Variants in HMGB1 observed in about 807,000 individuals in gnomAD.
HMGB1 encodes high mobility group box 1.
For missense variants in HMGB1, 79 were observed against 253.5 expected, an observed-to-expected ratio of 0.31 and a Z score of 4.67; for synonymous variants, 81 against 84.0, an observed-to-expected ratio of 0.96 and a Z score of 0.19.
chr13:30,524,337 T>TA lies in HMGB1; in HGVS notation c.-14-60644dup, dbSNP rs756389867. On this transcript the variant is annotated intron_variant, in intron 1 of 4. Coordinates refer to the HMGB1 transcript ENST00000405805. ...ATGTATCCCAGAGCTTAAAGTATAT[T>TA]AAAAAAAAAAAAAAAAAAAAGAAAA... Among the ~76,000 whole-genome samples, 109 of 47,414 alleles carry TA rather than the reference T, an allele frequency of 2.3e-3. 2 individuals are homozygous for TA. Among genetic ancestry groups the TA allele is most frequent in the African/African-American group, 5.6e-3 (101 of 18,112 alleles). The allele number at this position is 47,414 out of a possible 152,430, so 31.1% of individuals were successfully genotyped here. A position where few individuals can be genotyped will look rare whatever the true frequency, so the allele number is the denominator to read the frequency against.
chr13:30,465,075 C>T, intron 1 of HMGB1: 1 of 866,110 alleles, frequency 1.2e-6, no homozygotes, highest in Non-Finnish European at 1.4e-6. Flanking sequence ...AAAGTTGCCT[C>T]GGAACTGCTG....
At chr13:30,590,248 T>A (rs2137551917) in intron 1 of HMGB1, among the ~76,000 whole-genome samples, 1 of 152,256 alleles carries the variant, frequency 6.6e-6, no homozygotes, top group Admixed American at 6.5e-5. Context: ...ACCGAGAGGC[T>A]GAATTTTAAA....
intron 1 of HMGB1, among the ~76,000 whole-genome samples, chr13:30,476,149 G>T (rs1244830114): frequency 1.5e-5 from 2 of 130,916 alleles, no homozygotes; most frequent in Non-Finnish European, 3.2e-5. Context: ...TGAGACACAG[G>T]TAGCATGTAC....
At chr13:30,591,332 G>A (rs973851545) in intron 1 of HMGB1, among the ~76,000 whole-genome samples, 2 of 151,860 alleles carry the variant, frequency 1.3e-5, no homozygotes, top group Non-Finnish European at 2.9e-5. Flanking sequence ...GCGCCTGGCC[G>A]AGGCACAGTG....
chr13:30,476,283 G>A (rs868623833), intron 1 of HMGB1, among the ~76,000 whole-genome samples: 6 of 151,840 alleles, frequency 4.0e-5, no homozygotes, highest in South Asian at 2.1e-4. Context: ...GATTACAGGC[G>A]CAAGCCACCA....
chr13:30,489,847 G>C (rs1324427952), intron 1 of HMGB1, among the ~76,000 whole-genome samples: 1 of 149,502 alleles, frequency 6.7e-6, no homozygotes, highest in Non-Finnish European at 1.5e-5. Context: ...CAATTCTCCT[G>C]CCTCAGCCTC....
rs757549479 is a variant in HMGB1 at position 30,559,648 on chromosome 13, C to T, written c.-15+57023G>A. On this transcript the variant is annotated intron_variant, in intron 1 of 4. Transcript: ENST00000405805. The surrounding 1 kb of genome is among the most constrained non-coding windows in gnomAD (Gnocchi z 6.6). The stretch of plus-strand genomic sequence containing the variant: ...TGGAATTCAGCTGCAAATAGATGGA[C>T]ACCTGGAATTCTGGGAAGTTCTAGC... Among the ~76,000 whole-genome samples, 32 of 152,272 alleles carry T rather than the reference C, an allele frequency of 2.1e-4. No individual in the cohort carries two copies. The highest frequency in any genetic ancestry group is 3.4e-3 in the Middle Eastern group (1 of 294).
At chr13:30,609,167 G>T (rs1002949766) in intron 1 of HMGB1, among the ~76,000 whole-genome samples, 1 of 152,210 alleles carries the variant, frequency 6.6e-6, no homozygotes, top group African/African-American at 2.4e-5. Flanking sequence ...GGACGCTGAG[G>T]CAGGAGAATG....
At chr13:30,597,626 T>C (rs1362387633) in intron 1 of HMGB1, among the ~76,000 whole-genome samples, 1 of 152,218 alleles carries the variant, frequency 6.6e-6, no homozygotes, top group Non-Finnish European at 1.5e-5. Context: ...AGCCTGTCAG[T>C]TGAAGATACA....
rs1465991705 is a variant in HMGB1, at chr13:30,459,216, G to C, written c.*2141C>G. On this transcript the variant is annotated 3_prime_UTR_variant, in exon 5 of 5. Coordinates refer to ENST00000341423, the MANE Select transcript of HMGB1 (RefSeq NM_002128.7). ...CCCACTTCCATTTACTTGAGTTTTA[G>C]ACATCCAACTTCTAGGGGATACTGT... The C allele has an allele frequency of 1.3e-5, 2 of 152,058 alleles. No homozygotes were observed. The highest frequency in any genetic ancestry group is 2.9e-5 in the Non-Finnish European group (2 of 68,020). 9.4% of individuals were successfully genotyped at this position (152,058 alleles called of 1,614,324 possible).
rs937377629 is a variant in HMGB1 at position 30,460,135 on chromosome 13, A to T, written c.*1222T>A. 3.3e-5 allele frequency: 5 copies of T among 152,462 alleles called. No individual in the cohort carries two copies. Among genetic ancestry groups the T allele is most frequent in the African/African-American group, 1.2e-4 (5 of 41,316 alleles). 9.4% of individuals were successfully genotyped at this position (152,462 alleles called of 1,614,324 possible). ...TGAATGAGTTTGTTTTGTAAAGAAA[A>T]ATCATTCAAATAAATTGAATAATTC... On this transcript the variant is annotated 3_prime_UTR_variant, in exon 5 of 5. Coordinates refer to ENST00000341423, the MANE Select transcript of HMGB1 (RefSeq NM_002128.7).
intron 1 of HMGB1, among the ~76,000 whole-genome samples, chr13:30,488,662 T>C (rs991313223): frequency 1.4e-5 from 2 of 137,934 alleles, no homozygotes; most frequent in African/African-American, 2.7e-5. Context: ...TTATTATTAT[T>C]ATTATTATTA....
chr13:30,464,193 T>G (rs1217924848), intron 1 of HMGB1: 1 of 984,924 alleles, frequency 1.0e-6, no homozygotes, highest in Non-Finnish European at 1.2e-6. Flanking sequence ...ACACCCTCTT[T>G]GCATAAAACT....
chr13:30,586,479 G>GTTTTTTTT (rs11315470), intron 1 of HMGB1, among the ~76,000 whole-genome samples: 38 of 105,088 alleles, frequency 3.6e-4, no homozygotes, highest in Admixed American at 5.9e-4. Flanking sequence ...GGTTTTTTTT[G>GTTTTTTTT]TTTTTTTTTT....
chr13:30,478,866 CTTTTCTTTTT>C (rs1566000407), intron 1 of HMGB1, among the ~76,000 whole-genome samples: 1 of 133,854 alleles, frequency 7.5e-6, no homozygotes, highest in African/African-American at 2.6e-5. Flanking sequence ...CTTTTCTTTT[CTTTTCTTTTT>C]TTTTTTTTTT....
At chr13:30,538,510 C>CTTT (rs1164550479) in intron 1 of HMGB1, among the ~76,000 whole-genome samples, 951 of 81,638 alleles carry the variant, frequency 0.012, 26 homozygotes, top group African/African-American at 0.048. Context: ...TTCTTTCTTT[C>CTTT]CTTTCTTTCT....
chr13:30,610,116 ACTTT>A (rs1487624800), intron 1 of HMGB1, among the ~76,000 whole-genome samples: 6 of 152,008 alleles, frequency 3.9e-5, no homozygotes, highest in Admixed American at 3.3e-4. Context: ...TCTCTAACTT[ACTTT>A]ATTGTAAGAA....
rs989469605 is a variant in HMGB1, at chr13:30,604,325, G to A, written c.-15+12346C>T. 2.6e-5 allele frequency among the ~76,000 whole-genome samples: 4 copies of A among 152,162 alleles called. No individual in the cohort carries two copies. In the East Asian group the frequency reaches 7.7e-4, roughly 29 times the overall value. On this transcript the variant is annotated intron_variant, in intron 1 of 4. Coordinates refer to the HMGB1 transcript ENST00000405805. The stretch of plus-strand genomic sequence containing the variant: ...TTGCTAGATGGAGAATAAGCTGCAT[G>A]GCGGTGAGAGGAAGCAGAAACAATA...
At chr13:30,566,297 G>T (rs1392940154) in intron 1 of HMGB1, among the ~76,000 whole-genome samples, 3 of 152,176 alleles carry the variant, frequency 2.0e-5, no homozygotes, top group African/African-American at 7.2e-5. Flanking sequence ...TCAAACACAT[G>T]CTCTACAGCA....
Sources: allele counts gnomAD v4.1 joint callset (sites outside exome capture counted in the v4.1 genomes callset), GRCh38; gene constraint gnomAD v4.1.1; non-coding constraint Gnocchi (gnomAD v3.1); transcripts MANE v1.5; gene names NCBI Gene and HGNC (gene_info 2026-07-23, HGNC 2026-07-21).